The following ASS1 variants were observed in gnomAD, a reference collection of about 807,000 sequenced individuals.
ASS1 encodes the protein argininosuccinate synthase 1.
ASS1 carries 58 observed loss-of-function variants against 60.5 expected under a neutral mutation model. The ratio of observed to expected loss-of-function variants is 0.96; its 90% confidence interval spans 0.78 to 1.19. The LOEUF (loss-of-function observed/expected upper bound fraction) is 1.19, where lower values mean the gene tolerates loss of function less well. Among genes scored for constraint, ASS1 ranks in the 50% most tolerant of loss-of-function variants. The probability of loss-of-function intolerance (pLI) is 0.00; values close to 1 mark genes in which losing one functional copy is unlikely to be tolerated. For missense variants in ASS1, 454 were observed against 547.3 expected (o/e 0.83, Z 1.70); for synonymous variants, 200 against 206.9 (o/e 0.97, Z 0.29).
intron 11 of ASS1, among the ~76,000 whole-genome samples, chr9:130,481,192 C>T (rs1465655482): frequency 6.6e-6 from 1 of 152,198 alleles, no homozygotes; most frequent in East Asian, 1.9e-4. Flanking sequence ...CCCTCCTCTC[C>T]AGGACTCAGT....
rs562845089 is a variant in ASS1 at position 130,489,768 on chromosome 9, A to C, written c.970+304A>C. 6.6e-6 allele frequency among the ~76,000 whole-genome samples: 1 copy of C among 152,224 alleles called. No individual in the cohort carries two copies. The highest frequency in any genetic ancestry group is 1.5e-5 in the Non-Finnish European group (1 of 68,028). On this transcript the variant is annotated intron_variant, in intron 12 of 14. Transcript: ENST00000352480. This position sits in a 1 kb window ranked among gnomAD's most constrained non-coding sequence, Gnocchi z 4.1. ...CAGTTTGCATGACTGCAGCAATGCCAGGCACTGGGCACTGTGCGGCGACAT... is the reference window on the plus strand; with the variant it reads ...CAGTTTGCATGACTGCAGCAATGCCCGGCACTGGGCACTGTGCGGCGACAT...
chr9:130,469,532 T>A (rs1369860023), intron 6 of ASS1, among the ~76,000 whole-genome samples: 1 of 152,138 alleles, frequency 6.6e-6, no homozygotes, highest in Non-Finnish European at 1.5e-5. Flanking sequence ...TACCTCAGTC[T>A]CCCAAGTAGC....
rs199722381 is a variant in ASS1, at chr9:130,484,829, A to G, written c.838+4380A>G. 7.2e-5 allele frequency among the ~76,000 whole-genome samples: 10 copies of G among 138,708 alleles called. No homozygotes were observed. The East Asian group carries it at 1.8e-3, about 25-fold the overall frequency. The allele number at this position is 138,708 out of a possible 152,430, so 91.0% of individuals were successfully genotyped here. A position where few individuals can be genotyped will look rare whatever the true frequency, so the allele number is the denominator to read the frequency against. Reference sequence around the variant, plus strand: ...CACACACACACACACACACACACACACGTGCGCGCGCGCGCGTCGGCAGCA... The same window carrying G: ...CACACACACACACACACACACACACGCGTGCGCGCGCGCGCGTCGGCAGCA... On this transcript the variant is annotated intron_variant, in intron 11 of 14. Transcript: ENST00000352480.
chr9:130,468,476 A>G (rs958178751), intron 6 of ASS1, among the ~76,000 whole-genome samples: 1 of 152,164 alleles, frequency 6.6e-6, no homozygotes, highest in African/African-American at 2.4e-5. Flanking sequence ...CAGTGGCACA[A>G]TCCTAGCTCA....
At chr9:130,479,134 C>T (rs532800923) in intron 9 of ASS1, among the ~76,000 whole-genome samples, 154 of 152,232 alleles carry the variant, frequency 1.0e-3, no homozygotes, top group Non-Finnish European at 1.3e-3. Flanking sequence ...CCTGCCACCC[C>T]GGACCCAGCT....
At chr9:130,458,643 G>A (rs1845509322) in intron 4 of ASS1, 54 bp downstream of exon 4, 2 of 1,583,466 alleles carry the variant, frequency 1.3e-6, no homozygotes, top group Non-Finnish European at 1.7e-6. Context: ...AGGGGTGTGG[G>A]AAGGAGATGA....
intron 1 of ASS1, chr9:130,451,479 A>G: frequency 3.5e-6 from 1 of 285,832 alleles, no homozygotes; most frequent in Non-Finnish European, 6.8e-6. Flanking sequence ...AGTTGAATTC[A>G]GAGGCGCTCA....
intron 13 of ASS1, among the ~76,000 whole-genome samples, chr9:130,498,369 C>A (rs1249307896): frequency 6.6e-6 from 1 of 152,176 alleles, no homozygotes; most frequent in Non-Finnish European, 1.5e-5. Context: ...CTCTCAGAGG[C>A]TCAGAGGCTG....
chr9:130,474,020 A>ACT (rs1179798565), intron 8 of ASS1, among the ~76,000 whole-genome samples: 1 of 15,730 alleles, frequency 6.4e-5, no homozygotes, highest in East Asian at 1.6e-3. Context: ...CCCCACCCCG[A>ACT]CTCTCTCTCT....
At chr9:130,472,368 C>A (rs1845888017) in intron 8 of ASS1, among the ~76,000 whole-genome samples, 1 of 152,152 alleles carries the variant, frequency 6.6e-6, no homozygotes, top group Non-Finnish European at 1.5e-5. Flanking sequence ...CTGTCACTCT[C>A]ACGCCCGCGT....
intron 6 of ASS1, among the ~76,000 whole-genome samples, chr9:130,468,676 C>G (rs76092790): frequency 0.016 from 2,407 of 152,302 alleles, 67 homozygotes; most frequent in African/African-American, 0.055. Flanking sequence ...AAGTAATCCA[C>G]CCTCCTTGGC....
chr9:130,482,787 A>G (rs1588498295), intron 11 of ASS1, among the ~76,000 whole-genome samples: 1 of 152,172 alleles, frequency 6.6e-6, no homozygotes, highest in African/African-American at 2.4e-5. Context: ...GCTCCTTACC[A>G]CCCACCTGGG....
intron 12 of ASS1, among the ~76,000 whole-genome samples, chr9:130,492,651 G>A (rs541534446): frequency 6.6e-6 from 1 of 152,218 alleles, no homozygotes; most frequent in Non-Finnish European, 1.5e-5. Flanking sequence ...CATCTAGGGG[G>A]TATAGCTCAC....
rs769314825 is a variant in ASS1, at chr9:130,458,408, T to C, written c.182T>C (p.Ile61Thr). The C allele has an allele frequency of 5.0e-6, 8 of 1,611,892 alleles. No individual in the cohort carries two copies. The highest frequency in any genetic ancestry group is 1.7e-5 in the Admixed American group (1 of 59,998). Reference sequence around the variant, plus strand: ...GGGCTCCTCTTCCCGTAGGTGTTCATTGAGGATGTCAGCAGGGAGTTTGTG... The same window carrying C: ...GGGCTCCTCTTCCCGTAGGTGTTCACTGAGGATGTCAGCAGGGAGTTTGTG... ...ALKLGAKKVF[I>T]EDVSREFVEE... Residue 61 changes from isoleucine to threonine, a missense_variant, in exon 4 of 15, where the codon ATT (isoleucine) becomes ACT (threonine). Ile to Thr is a moderately conservative substitution (Grantham distance 89, BLOSUM62 -1). Coordinates refer to ENST00000352480, the MANE Select transcript of ASS1 (RefSeq NM_054012.4).
At position 130,488,318 on chromosome 9, in the gene ASS1, G is replaced by A. The variant is rs1019148234; in HGVS notation, c.839-1015G>A. Reference sequence around the variant, plus strand: ...TGGTGGAAGAAAGGAAGCTCTCGGGGTAGAATCCATGGAGATGGGGGAGCT... The same window carrying A: ...TGGTGGAAGAAAGGAAGCTCTCGGGATAGAATCCATGGAGATGGGGGAGCT... On this transcript the variant is annotated intron_variant, in intron 11 of 14. Transcript: ENST00000352480. The surrounding 1 kb of genome is among the most constrained non-coding windows in gnomAD (Gnocchi z 5.2). Among the ~76,000 whole-genome samples, 5 of 152,236 alleles carry A rather than the reference G, an allele frequency of 3.3e-5. No homozygotes were observed. The highest frequency in any genetic ancestry group is 5.9e-5 in the Non-Finnish European group (4 of 68,040).
rs1041808786 is a variant in ASS1 at position 130,488,003 on chromosome 9, C to G, written c.839-1330C>G. 4.6e-5 allele frequency among the ~76,000 whole-genome samples: 7 copies of G among 152,130 alleles called. No individual in the cohort carries two copies. Among genetic ancestry groups the G allele is most frequent in the Non-Finnish European group, 8.8e-5 (6 of 68,028 alleles). On this transcript the variant is annotated intron_variant, in intron 11 of 14. Transcript: ENST00000352480. The surrounding 1 kb of genome is among the most constrained non-coding windows in gnomAD (Gnocchi z 5.2). ...CTCCTGACCTGAGGTGATCCACCTGCCTCGGCCTCCCAAAGTGCTAGAATT... is the reference window on the plus strand; with the variant it reads ...CTCCTGACCTGAGGTGATCCACCTGGCTCGGCCTCCCAAAGTGCTAGAATT...
chr9:130,498,441 A>T (rs1316579493), intron 13 of ASS1, among the ~76,000 whole-genome samples: 1 of 152,092 alleles, frequency 6.6e-6, no homozygotes, highest in Non-Finnish European at 1.5e-5. Context: ...AACCATAATT[A>T]ATGAAGGCAA....
chr9:130,457,331 C>T (rs1019280896), intron 3 of ASS1, among the ~76,000 whole-genome samples: 9 of 152,060 alleles, frequency 5.9e-5, no homozygotes, highest in African/African-American at 1.9e-4. Context: ...CTTAGCCGGG[C>T]GTGGTAGCAC....
In ASS1 at chr9:130,473,845, G is replaced by A. The variant is rs149226550; in HGVS notation, c.597+2330G>A. Among the ~76,000 whole-genome samples the A allele has an allele frequency of 2.6e-3, 394 of 152,310 alleles. 3 individuals are homozygous for A. Among genetic ancestry groups the A allele is most frequent in the African/African-American group, 9.1e-3 (379 of 41,578 alleles). On this transcript the variant is annotated intron_variant, in intron 8 of 14. Coordinates refer to ENST00000352480, the MANE Select transcript of ASS1 (RefSeq NM_054012.4). ...TTGCTTTAACTTCATACGGTCCACA[G>A]TGAAAGAGTTCATTCAGTCGCCGGC...
Sources: allele counts gnomAD v4.1 joint callset (sites outside exome capture counted in the v4.1 genomes callset), GRCh38; gene constraint gnomAD v4.1.1; non-coding constraint Gnocchi (gnomAD v3.1); transcripts MANE v1.5; gene names NCBI Gene and HGNC (gene_info 2026-07-23, HGNC 2026-07-21).